TSPAN18: variants seen among roughly 807,000 people sequenced by gnomAD.
TSPAN18 encodes the protein tetraspanin 18.
Under a neutral mutation model 27.3 loss-of-function variants are expected in TSPAN18, and 14 were observed. The observed-to-expected ratio is 0.51, with a 90% confidence interval of 0.34 to 0.80. TSPAN18 has a LOEUF of 0.80. Ranked by LOEUF, TSPAN18 falls within the 30% of genes least tolerant of loss-of-function variation. The pLI is 0.01. For synonymous variants in TSPAN18, 143 were observed against 136.5 expected, an observed-to-expected ratio of 1.05 and a Z score of -0.33; for missense variants, 268 against 323.9, an observed-to-expected ratio of 0.83 and a Z score of 1.32.
chr11:44,763,171 C>G (rs1424104016), intron 1 of TSPAN18, among the ~76,000 whole-genome samples: 2 of 152,200 alleles, frequency 1.3e-5, no homozygotes, highest in Non-Finnish European at 2.9e-5. Context: ...AGACCTGAAA[C>G]TTGATCAGGG....
At chr11:44,735,196 CTG>C (rs1194705485) in intron 1 of TSPAN18, among the ~76,000 whole-genome samples, 1 of 152,242 alleles carries the variant, frequency 6.6e-6, no homozygotes, top group African/African-American at 2.4e-5. Context: ...AAGGCTGTGA[CTG>C]TGGCACCTTG....
intron 8 of TSPAN18, among the ~76,000 whole-genome samples, chr11:44,921,506 G>A (rs1201820857): frequency 6.6e-6 from 1 of 152,078 alleles, no homozygotes; most frequent in African/African-American, 2.4e-5. Context: ...GCTAACGGGA[G>A]GTGAGCAGAG....
intron 2 of TSPAN18, among the ~76,000 whole-genome samples, chr11:44,815,998 TG>T (rs11322436): frequency 1.3e-5 from 2 of 152,170 alleles, no homozygotes; most frequent in African/African-American, 4.8e-5. Context: ...ACAAATGCAG[TG>T]GGGAAAGCAC....
At chr11:44,827,664 C>T (rs1178835194) in intron 2 of TSPAN18, among the ~76,000 whole-genome samples, 8 of 152,188 alleles carry the variant, frequency 5.3e-5, no homozygotes, top group Non-Finnish European at 8.8e-5. Flanking sequence ...AAACCCAAAC[C>T]ACTTGTGATT....
chr11:44,785,514 C>T (rs775614769), intron 2 of TSPAN18, among the ~76,000 whole-genome samples: 4 of 150,860 alleles, frequency 2.7e-5, no homozygotes, highest in Non-Finnish European at 1.5e-5. Flanking sequence ...ATGGTACATG[C>T]CCCCTGCCCC....
intron 2 of TSPAN18, among the ~76,000 whole-genome samples, chr11:44,788,510 T>C (rs1015374187): frequency 6.8e-6 from 1 of 147,064 alleles, no homozygotes; most frequent in African/African-American, 2.5e-5. Context: ...CAGGCTTGAG[T>C]GCAATGGCGT....
At chr11:44,897,965 A>T in intron 3 of TSPAN18, 1 of 916,338 alleles carries the variant, frequency 1.1e-6, no homozygotes, top group Non-Finnish European at 1.5e-6. Flanking sequence ...TCTCTTTCTG[A>T]CTTGGCTTTG....
At chr11:44,893,871 G>A (rs111948593) in intron 3 of TSPAN18, among the ~76,000 whole-genome samples, 6,125 of 152,264 alleles carry the variant, frequency 0.04, 178 homozygotes, top group Non-Finnish European at 0.061. Context: ...CTGATTCTAG[G>A]CTCTCCCGAC....
At chr11:44,794,129 A>C (rs1032271574) in intron 2 of TSPAN18, among the ~76,000 whole-genome samples, 8 of 152,204 alleles carry the variant, frequency 5.3e-5, no homozygotes, top group African/African-American at 7.2e-5. Context: ...CCTGTCTCAT[A>C]AACTAGAGTA....
chr11:44,924,123 G>GTGTGTGTC (rs1402342573), intron 8 of TSPAN18, among the ~76,000 whole-genome samples: 3 of 151,948 alleles, frequency 2.0e-5, no homozygotes, highest in African/African-American at 7.3e-5. Context: ...GTGTGTGTGT[G>GTGTGTGTC]TGTGTGTGAT....
intron 2 of TSPAN18, among the ~76,000 whole-genome samples, chr11:44,802,315 T>TG (rs1342651193): frequency 1.8e-4 from 19 of 103,470 alleles, no homozygotes; most frequent in African/African-American, 7.1e-4. Context: ...ACAAAGTGGT[T>TG]GAGGTGGGTG....
chr11:44,877,155 G>A (rs927151371), intron 3 of TSPAN18, among the ~76,000 whole-genome samples: 4 of 152,256 alleles, frequency 2.6e-5, no homozygotes, highest in African/African-American at 4.8e-5. Context: ...TGGCCATCCC[G>A]CTGCCAAACA....
chr11:44,839,626 T>C (rs936199410), intron 2 of TSPAN18, among the ~76,000 whole-genome samples: 8 of 152,064 alleles, frequency 5.3e-5, no homozygotes, highest in African/African-American at 1.9e-4. Context: ...TACCAACTGC[T>C]CCAACACCAC....
At chr11:44,874,569 C>T (rs1210630563) in intron 3 of TSPAN18, among the ~76,000 whole-genome samples, 1 of 152,232 alleles carries the variant, frequency 6.6e-6, no homozygotes, top group African/African-American at 2.4e-5. Context: ...ATCTTGATTG[C>T]AAAGCCTGGC....
At chr11:44,875,119 C>T (rs1023680562) in intron 3 of TSPAN18, among the ~76,000 whole-genome samples, 37 of 152,210 alleles carry the variant, frequency 2.4e-4, no homozygotes, top group African/African-American at 8.0e-4. Context: ...ACATTCTCCC[C>T]CGTGGGGCCC....
chr11:44,777,080 A>T (rs187807483), intron 2 of TSPAN18, among the ~76,000 whole-genome samples: 9 of 152,298 alleles, frequency 5.9e-5, no homozygotes, highest in Non-Finnish European at 1.2e-4. Context: ...AGGGTAGCTT[A>T]GGAGCGGACC....
At chr11:44,777,308 G>GT (rs542646378) in intron 2 of TSPAN18, among the ~76,000 whole-genome samples, 64 of 152,264 alleles carry the variant, frequency 4.2e-4, no homozygotes, top group African/African-American at 1.4e-3. Context: ...GGGGGATTGG[G>GT]TTGGGGGTGG....
At chr11:44,745,172 ATCTT>A (rs1855042449) in intron 1 of TSPAN18, among the ~76,000 whole-genome samples, 3 of 152,218 alleles carry the variant, frequency 2.0e-5, no homozygotes, top group African/African-American at 7.2e-5. Flanking sequence ...ATGCGTGGGC[ATCTT>A]TCTTCTTCAG....
At chr11:44,880,031 G>A (rs917363353) in intron 3 of TSPAN18, among the ~76,000 whole-genome samples, 1 of 152,230 alleles carries the variant, frequency 6.6e-6, no homozygotes, top group African/African-American at 2.4e-5. Context: ...GGCGACGCTG[G>A]GGGGAGGCTG....
Sources: allele counts gnomAD v4.1 joint callset (sites outside exome capture counted in the v4.1 genomes callset), GRCh38; gene constraint gnomAD v4.1.1; transcripts MANE v1.5; gene names NCBI Gene and HGNC (gene_info 2026-07-23, HGNC 2026-07-21).